Variants in NKAIN2 observed in about 807,000 individuals in gnomAD.
The protein encoded by NKAIN2 is sodium/potassium transporting ATPase interacting 2.
NKAIN2 carries 14 observed loss-of-function variants against 32.6 expected under a neutral mutation model. That is an observed-to-expected ratio of 0.43 (90% CI 0.28 to 0.67). NKAIN2 has a LOEUF of 0.67. NKAIN2 is among the 30% of genes least tolerant of loss of function. NKAIN2 has a pLI of 0.17. For missense variants in NKAIN2, 198 were observed against 258.3 expected (o/e 0.77, Z 1.60); for synonymous variants, 80 against 87.2 (o/e 0.92, Z 0.46).
intron 3 of NKAIN2, among the ~76,000 whole-genome samples, chr6:124,384,103 A>G (rs1050886990): frequency 6.6e-6 from 1 of 152,122 alleles, no homozygotes; most frequent in Non-Finnish European, 1.5e-5. Flanking sequence ...CTGCTATCCC[A>G]AAGAGTTGTC....
chr6:124,290,939 A>G (rs1485801177), intron 2 of NKAIN2, among the ~76,000 whole-genome samples: 2 of 151,882 alleles, frequency 1.3e-5, no homozygotes, highest in Non-Finnish European at 2.9e-5. Flanking sequence ...TCCGATGTCA[A>G]CTGTTTGTTC....
chr6:124,397,318 T>C (rs1583184343), intron 3 of NKAIN2, among the ~76,000 whole-genome samples: 1 of 152,106 alleles, frequency 6.6e-6, no homozygotes, highest in African/African-American at 2.4e-5. Context: ...ATTTACTTTT[T>C]TCTAGAACAC....
intron 1 of NKAIN2, among the ~76,000 whole-genome samples, chr6:123,973,614 A>G (rs1778431277): frequency 6.6e-6 from 1 of 152,068 alleles, no homozygotes; most frequent in South Asian, 2.1e-4. Flanking sequence ...TGCTATTCAA[A>G]ACTCCAAATT....
intron 3 of NKAIN2, among the ~76,000 whole-genome samples, chr6:124,430,470 G>A (rs1379995822): frequency 1.3e-5 from 2 of 152,084 alleles, no homozygotes; most frequent in Non-Finnish European, 2.9e-5. Context: ...GCTATCAGAG[G>A]ACGGTTTGGC....
intron 1 of NKAIN2, chr6:123,829,223 C>G (rs964786175): frequency 1.3e-5 from 2 of 152,154 alleles, no homozygotes; most frequent in African/African-American, 4.8e-5. Flanking sequence ...CTTGTCCATA[C>G]TAACATTTTT....
At chr6:124,055,489 C>G (rs1002910653) in intron 1 of NKAIN2, among the ~76,000 whole-genome samples, 66 of 152,000 alleles carry the variant, frequency 4.3e-4, no homozygotes, top group African/African-American at 1.6e-3. Flanking sequence ...TAATTACACA[C>G]TGCTTTTTTA....
At chr6:124,110,312 T>C (rs1330098738) in intron 1 of NKAIN2, among the ~76,000 whole-genome samples, 1 of 152,058 alleles carries the variant, frequency 6.6e-6, no homozygotes, top group Non-Finnish European at 1.5e-5. Context: ...TAAAAAGTAT[T>C]TGACAAAATT....
chr6:124,444,852 C>G (rs1775826155), intron 3 of NKAIN2, among the ~76,000 whole-genome samples: 1 of 151,680 alleles, frequency 6.6e-6, no homozygotes, highest in Non-Finnish European at 1.5e-5. Flanking sequence ...TAAGAAATTT[C>G]TTATTAGGAA....
chr6:124,505,843 C>T (rs1454163810), intron 3 of NKAIN2, among the ~76,000 whole-genome samples: 1 of 152,014 alleles, frequency 6.6e-6, no homozygotes, highest in African/African-American at 2.4e-5. Context: ...CAGGCAACAC[C>T]ACACCTCTAA....
intron 3 of NKAIN2, among the ~76,000 whole-genome samples, chr6:124,654,173 G>T (rs747331844): frequency 3.9e-5 from 6 of 152,020 alleles, no homozygotes; most frequent in Non-Finnish European, 7.4e-5. Flanking sequence ...AATACTTAAA[G>T]AAACAGTTAT....
intron 3 of NKAIN2, among the ~76,000 whole-genome samples, chr6:124,499,667 A>G (rs1271405698): frequency 1.3e-5 from 2 of 152,190 alleles, no homozygotes; most frequent in African/African-American, 4.8e-5. Flanking sequence ...ATTAGAAAAA[A>G]TGGGAGGATC....
At chr6:124,772,623 C>G (rs370921442) in intron 4 of NKAIN2, among the ~76,000 whole-genome samples, 1 of 152,186 alleles carries the variant, frequency 6.6e-6, no homozygotes, top group Admixed American at 6.5e-5. Context: ...CCCACCTCCT[C>G]GTATTAAATA....
intron 3 of NKAIN2, among the ~76,000 whole-genome samples, chr6:124,448,908 C>A (rs1405982157): frequency 6.6e-6 from 1 of 152,084 alleles, no homozygotes; most frequent in African/African-American, 2.4e-5. Flanking sequence ...ATAGCTTATG[C>A]CTAAACTCAT....
intron 4 of NKAIN2, among the ~76,000 whole-genome samples, chr6:124,744,092 T>C (rs774635340): frequency 6.6e-6 from 1 of 151,890 alleles, no homozygotes; most frequent in Non-Finnish European, 1.5e-5. Context: ...CTTTTCTGTT[T>C]TCTTTAGGGA....
chr6:124,455,240 C>T (rs1274999955), intron 3 of NKAIN2, among the ~76,000 whole-genome samples: 1 of 151,932 alleles, frequency 6.6e-6, no homozygotes, highest in Non-Finnish European at 1.5e-5. Flanking sequence ...TAGAAATAGT[C>T]ACTATAAAGA....
At chr6:124,186,920 G>A (rs1789772225) in intron 1 of NKAIN2, among the ~76,000 whole-genome samples, 1 of 151,874 alleles carries the variant, frequency 6.6e-6, no homozygotes, top group African/African-American at 2.4e-5. Flanking sequence ...ATCCTTCTAG[G>A]ATACCTTAAA....
chr6:124,791,307 C>G, intron 4 of NKAIN2, 32 bp from the exon 5 acceptor site: 1 of 1,581,436 alleles, frequency 6.3e-7, no homozygotes, highest in Admixed American at 1.7e-5. Flanking sequence ...GTGCCTTTTT[C>G]TGATGTCTAA....
chr6:124,274,499 G>T (rs193274296), intron 1 of NKAIN2, among the ~76,000 whole-genome samples: 3 of 152,002 alleles, frequency 2.0e-5, no homozygotes, highest in African/African-American at 4.8e-5. Context: ...ATACCATAAG[G>T]TTCCCCTGTG....
intron 1 of NKAIN2, among the ~76,000 whole-genome samples, chr6:124,282,796 G>C (rs1795362493): frequency 6.6e-6 from 1 of 152,132 alleles, no homozygotes. Context: ...TCCCTGAAAG[G>C]CTTGTAGGTG....
Sources: gnomAD v4.1 joint callset for allele counts (sites outside exome capture counted in the v4.1 genomes callset) on GRCh38, gnomAD v4.1.1 for gene constraint, MANE v1.5 for transcripts, NCBI Gene and HGNC (gene_info 2026-07-23, HGNC 2026-07-21) for gene names.